Variants in FANK1 observed in about 807,000 individuals in gnomAD.
FANK1 encodes fibronectin type 3 and ankyrin repeat domains protein 1.
FANK1 carries 44 observed loss-of-function variants against 45.3 expected under a neutral mutation model. The ratio of observed to expected loss-of-function variants is 0.97; its 90% CI spans 0.76 to 1.25. The LOEUF (loss-of-function observed/expected upper bound fraction) is 1.25, where lower values mean the gene tolerates loss of function less well. Among genes scored for constraint, FANK1 ranks in the 50% most tolerant of loss-of-function variants. The probability of loss-of-function intolerance (pLI) is 0.00; values close to 1 mark genes in which losing one functional copy is unlikely to be tolerated. For missense variants in FANK1, 391 were observed against 424.4 expected (o/e 0.92, Z 0.69); for synonymous variants, 149 against 152.5 (o/e 0.98, Z 0.17).
chr10:125,971,797 T>G (rs1163123206), intron 1 of FANK1, among the ~76,000 whole-genome samples: 1 of 152,090 alleles, frequency 6.6e-6, no homozygotes, highest in Non-Finnish European at 1.5e-5. Context: ...AATTTTTTTG[T>G]ATTTTTAGTA....
intron 1 of FANK1, among the ~76,000 whole-genome samples, chr10:125,909,763 G>A (rs565344815): frequency 1.0e-4 from 15 of 145,306 alleles, no homozygotes; most frequent in Non-Finnish European, 1.6e-4. Flanking sequence ...CTGGCCTCAA[G>A]CAAACCTCCT....
chr10:125,996,488 C>A (rs372986796), intron 4 of FANK1, 62 bp from the exon 5 acceptor site: 1 of 1,512,360 alleles, frequency 6.6e-7, no homozygotes, highest in Non-Finnish European at 9.1e-7. Context: ...TGAGAACCAC[C>A]GGCTTTGACT....
chr10:125,976,312 A>C (rs1950849985), intron 1 of FANK1, among the ~76,000 whole-genome samples: 1 of 152,152 alleles, frequency 6.6e-6, no homozygotes, highest in Non-Finnish European at 1.5e-5. Flanking sequence ...TCTTGTGTAG[A>C]ATCTTGCAGG....
At chr10:125,907,517 T>C in intron 1 of FANK1, 1 of 985,372 alleles carries the variant, frequency 1.0e-6, no homozygotes, top group Non-Finnish European at 1.2e-6. Context: ...GTAGGATCTG[T>C]GACTTGTTTC....
At chr10:125,925,966 A>G (rs940644123) in intron 1 of FANK1, among the ~76,000 whole-genome samples, 4 of 151,878 alleles carry the variant, frequency 2.6e-5, no homozygotes, top group African/African-American at 9.7e-5. Flanking sequence ...CCTTCTTTTC[A>G]ATTGGTGGGA....
chr10:125,923,779 C>T (rs929478415), intron 1 of FANK1, among the ~76,000 whole-genome samples: 5 of 152,120 alleles, frequency 3.3e-5, no homozygotes, highest in Non-Finnish European at 5.9e-5. Flanking sequence ...CCTCCCACTT[C>T]GGTCTCCCAA....
intron 3 of FANK1, among the ~76,000 whole-genome samples, chr10:125,989,686 T>TA (rs571762949): frequency 2.0e-5 from 3 of 152,190 alleles, no homozygotes; most frequent in Admixed American, 2.0e-4. Flanking sequence ...GGGATGCAGG[T>TA]AAAAAAAGAG....
chr10:125,978,991 T>C (rs1289094152), intron 1 of FANK1, among the ~76,000 whole-genome samples: 2 of 152,220 alleles, frequency 1.3e-5, no homozygotes, highest in East Asian at 3.8e-4. Context: ...CTGCCAAGAC[T>C]CCACGCTGCT....
intron 1 of FANK1, among the ~76,000 whole-genome samples, chr10:125,944,501 C>A (rs1948646386): frequency 6.6e-6 from 1 of 152,166 alleles, no homozygotes; most frequent in South Asian, 2.1e-4. Flanking sequence ...CTGTTGGGAG[C>A]AGGCCCCCCA....
At position 125,906,515 on chromosome 10, in the gene FANK1, C is replaced by CAAAAAAAAAA. The variant is rs34132526; in HGVS notation, c.13+9880_13+9889dup. Among the ~76,000 whole-genome samples, 26 of 46,416 alleles carry CAAAAAAAAAA rather than the reference C, an allele frequency of 5.6e-4. 2 individuals carry two copies. The highest frequency in any genetic ancestry group is 1.3e-3 in the African/African-American group (17 of 13,422). The allele number at this position is 46,416 out of a possible 152,430, so 30.5% of individuals were successfully genotyped here. On this transcript the variant is annotated intron_variant, in intron 1 of 10. Transcript: ENST00000368693. Reference sequence around the variant, plus strand: ...TTGGGGACAGAGCAAGACTCTGTCTCAAAAAAAAAAAAAAAAAAAAAAAAA... The same window carrying CAAAAAAAAAA: ...TTGGGGACAGAGCAAGACTCTGTCTCAAAAAAAAAAAAAAAAAAAAAAAAAAAAAAAAAAA...
chr10:125,954,574 C>G (rs1399839647), intron 1 of FANK1, among the ~76,000 whole-genome samples: 1 of 136,076 alleles, frequency 7.3e-6, no homozygotes, highest in East Asian at 2.4e-4. Context: ...TTCAATAGTT[C>G]ATGGATTTTT....
At chr10:125,909,716 C>T (rs1389418055) in intron 1 of FANK1, among the ~76,000 whole-genome samples, 1 of 130,132 alleles carries the variant, frequency 7.7e-6, no homozygotes, top group Non-Finnish European at 1.6e-5. Context: ...TTTGCTGTGA[C>T]AGGTCTCACT....
chr10:125,898,601 T>C (rs1482943112), intron 1 of FANK1, among the ~76,000 whole-genome samples: 1 of 151,664 alleles, frequency 6.6e-6, no homozygotes, highest in African/African-American at 2.4e-5. Flanking sequence ...GGAAGATTAG[T>C]AAAGCTGTAG....
At chr10:125,971,904 G>A (rs1441498707) in intron 1 of FANK1, among the ~76,000 whole-genome samples, 1 of 152,150 alleles carries the variant, frequency 6.6e-6, no homozygotes, top group Non-Finnish European at 1.5e-5. Context: ...TGGGATTACA[G>A]GTGTGAGCCA....
intron 1 of FANK1, among the ~76,000 whole-genome samples, chr10:125,947,691 A>G (rs1295655223): frequency 6.7e-6 from 1 of 148,874 alleles, no homozygotes; most frequent in Non-Finnish European, 1.5e-5. Context: ...CACTGTCAAC[A>G]TTAGACAGAT....
intron 1 of FANK1, among the ~76,000 whole-genome samples, chr10:125,912,894 C>T (rs1323490068): frequency 6.6e-6 from 1 of 152,228 alleles, no homozygotes. Flanking sequence ...CTCGGCCTCC[C>T]AAAGTGTTGG....
chr10:125,897,885 G>T (rs80006834), intron 1 of FANK1, among the ~76,000 whole-genome samples: 1 of 151,186 alleles, frequency 6.6e-6, no homozygotes, highest in African/African-American at 2.4e-5. Context: ...GGCCTGGCCC[G>T]GTGGCTCACG....
At chr10:125,988,330 C>A (rs1055971110) in intron 2 of FANK1, among the ~76,000 whole-genome samples, 1 of 152,160 alleles carries the variant, frequency 6.6e-6, no homozygotes, top group African/African-American at 2.4e-5. Flanking sequence ...ATGTGTCAGG[C>A]CCTGGACTAG....
chr10:125,957,995 T>G (rs555213864), intron 1 of FANK1, among the ~76,000 whole-genome samples: 26 of 152,266 alleles, frequency 1.7e-4, no homozygotes, highest in African/African-American at 6.3e-4. Flanking sequence ...GTGCATAAAG[T>G]GTACAGTGAT....
Sources: gnomAD v4.1 joint callset for allele counts (sites outside exome capture counted in the v4.1 genomes callset) on GRCh38, gnomAD v4.1.1 for gene constraint, MANE v1.5 for transcripts, NCBI Gene and HGNC (gene_info 2026-07-23, HGNC 2026-07-21) for gene names.